CFAP46: variants seen among roughly 807,000 people sequenced by gnomAD.
CFAP46 encodes the protein cilia and flagella associated protein 46.
A neutral mutation model predicts 325.7 loss-of-function variants in CFAP46; 245 were observed. That is an observed-to-expected ratio of 0.75 (90% CI 0.68 to 0.84). The LOEUF is 0.84. Ranked by LOEUF, CFAP46 falls within the 40% of genes least tolerant of loss-of-function variation. The pLI is 0.00. For synonymous variants in CFAP46, 1,523 were observed against 1,495.9 expected (o/e 1.02, Z -0.42); for missense variants, 3,346 against 3,543.0 (o/e 0.94, Z 1.41).
chr10:132,872,702 C>T lies in CFAP46; in HGVS notation c.4485G>A (p.Lys1495=). 1.9e-6 allele frequency: 3 copies of T among 1,550,684 alleles called. No individual in the cohort carries two copies. The highest frequency in any genetic ancestry group is 2.6e-6 in the Non-Finnish European group (3 of 1,147,030). The change falls in exon 32 of 58, where the codon AAG becomes AAA. Residue 1495 remains lysine, a synonymous_variant. Coordinates refer to ENST00000368586, the MANE Select transcript of CFAP46 (RefSeq NM_001200049.3). ...VLISDSVVGS[K]GLSDLYHLRL... is the part of the protein sequence containing the mutation. ...GAAGGTGGTAGAGATCCGACAGGCCCTTGCTTCCCACCACGGAGTCCGAAA... is the reference window on the plus strand; with the variant it reads ...GAAGGTGGTAGAGATCCGACAGGCCTTTGCTTCCCACCACGGAGTCCGAAA...
rs751536013 is a variant in CFAP46 at position 132,920,104 on chromosome 10, G to T, written c.1685C>A (p.Ala562Asp). The T allele has an allele frequency of 2.6e-6, 4 of 1,549,140 alleles. No homozygotes were observed. The highest frequency in any genetic ancestry group is 3.5e-6 in the Non-Finnish European group (4 of 1,146,466). The change falls in exon 14 of 58, where the codon GCT becomes GAT. Residue 562 changes from alanine to aspartate, a missense_variant. Physicochemically the swap from Ala to Asp is moderately radical, Grantham distance 126. Coordinates refer to ENST00000368586, the MANE Select transcript of CFAP46 (RefSeq NM_001200049.3). ...GCCCAGGCGCCGCAGGTGCCCGGCA[G>T]CTTTGTCCACGCTGACGGTGTGGTG... is the stretch of plus-strand genomic sequence containing the variant. ...AWHHTVSVDKAAGHLRRLGNE... is the reference protein window; with the variant it reads ...AWHHTVSVDKDAGHLRRLGNE...
intron 39 of CFAP46, among the ~76,000 whole-genome samples, chr10:132,857,079 C>T (rs1025170094): frequency 6.6e-6 from 1 of 152,238 alleles, no homozygotes; most frequent in African/African-American, 2.4e-5. Context: ...TCCAATCCGG[C>T]TGGTGAAGTA....
Position 132,860,498 on chromosome 10 carries a change from A to T in CFAP46, c.5117T>A (p.Ile1706Asn). Residue 1706 changes from isoleucine to asparagine, a missense_variant, in exon 37 of 58, where the codon ATC (isoleucine) becomes AAC (asparagine). By Grantham distance (149) the Ile-to-Asn change is moderately radical. Coordinates refer to ENST00000368586, the MANE Select transcript of CFAP46 (RefSeq NM_001200049.3). Reference sequence around the variant, plus strand: ...TTTCTTGAGGATCTTGAAGGCATTGATGAGCTTCTGAAATATGTGACACAC... The same window carrying T: ...TTTCTTGAGGATCTTGAAGGCATTGTTGAGCTTCTGAAATATGTGACACAC... Reference protein sequence around the residue: ...ATVCHIFQKLINAFKILKKER... With the variant: ...ATVCHIFQKLNNAFKILKKER... 1 of 1,551,092 alleles carries T rather than the reference A, an allele frequency of 6.4e-7. No individual in the cohort carries two copies. Among genetic ancestry groups the T allele is most frequent in the Non-Finnish European group, 8.7e-7 (1 of 1,147,028 alleles).
At chr10:132,924,659 C>T (rs1849778891) in intron 11 of CFAP46, 37 bp downstream of exon 11, 4 of 1,430,492 alleles carry the variant, frequency 2.8e-6, no homozygotes, top group Middle Eastern at 2.4e-4. Flanking sequence ...ATGCGCCACG[C>T]CCTCTGTGGA....
intron 39 of CFAP46, among the ~76,000 whole-genome samples, chr10:132,855,921 G>A (rs975411350): frequency 5.3e-5 from 8 of 152,140 alleles, no homozygotes; most frequent in South Asian, 2.1e-4. Flanking sequence ...TTACGTGTTC[G>A]AGGCTCTCCA....
At chr10:132,905,840 G>A (rs1270239804) in intron 22 of CFAP46, among the ~76,000 whole-genome samples, 1 of 152,222 alleles carries the variant, frequency 6.6e-6, no homozygotes, top group Non-Finnish European at 1.5e-5. Flanking sequence ...GCCAGGGTGG[G>A]TGGCAGGCAT....
At chr10:132,852,957 G>A (rs1247348935) in intron 39 of CFAP46, among the ~76,000 whole-genome samples, 2 of 152,200 alleles carry the variant, frequency 1.3e-5, no homozygotes, top group African/African-American at 4.8e-5. Flanking sequence ...TTGGTGGATT[G>A]CATAGGACTG....
intron 22 of CFAP46, among the ~76,000 whole-genome samples, chr10:132,904,397 C>T (rs1849428516): frequency 1.2e-5 from 1 of 80,320 alleles, no homozygotes; most frequent in South Asian, 3.3e-4. Context: ...CAGAGGGGCT[C>T]CCGCTGGGAC....
intron 36 of CFAP46, 105 bp downstream of exon 36, chr10:132,860,677 G>A (rs1280263320): frequency 2.1e-5 from 27 of 1,304,704 alleles, no homozygotes; most frequent in Non-Finnish European, 2.6e-5. Context: ...GGATCCAGGC[G>A]TGTCATCAGC....
In CFAP46 at chr10:132,815,274, A is replaced by G. The variant is rs1001522930; in HGVS notation, c.7118-360T>C. ...TTACAACCTGCCCCTTTCGACACGAACACTTTCTTTTGCAGGCTCTGAGTA... is the reference window on the plus strand; with the variant it reads ...TTACAACCTGCCCCTTTCGACACGAGCACTTTCTTTTGCAGGCTCTGAGTA... On this transcript the variant is annotated intron_variant, in intron 50 of 57. Transcript: ENST00000368586. 3.3e-5 allele frequency among the ~76,000 whole-genome samples: 5 copies of G among 152,304 alleles called. No individual in the cohort carries two copies. The South Asian group carries it at 8.3e-4, about 25-fold the overall frequency.
chr10:132,931,341 A>C (rs1389676678), intron 8 of CFAP46, among the ~76,000 whole-genome samples: 6 of 58,316 alleles, frequency 1.0e-4, no homozygotes, highest in African/African-American at 2.1e-4. Context: ...CCTTCCCCAC[A>C]CTCCCCACGC....
rs1165867387 is a variant in CFAP46 at position 132,846,950 on chromosome 10, C to T, written c.6249G>A (p.Gln2083=). 6.2e-7 allele frequency: 1 copy of T among 1,610,590 alleles called. No homozygotes were observed. The highest frequency in any genetic ancestry group is 8.5e-7 in the Non-Finnish European group (1 of 1,179,494). ...GACACACCTGAGACAGAGCCAGGAA[C>T]TGGCAGGTAGTTGCAGGGTCCAGGG... ...VGTLDPATTC[Q]FLALSQSCSA... The change falls in exon 43 of 58, where the codon CAG becomes CAA. Residue 2083 remains glutamine, a synonymous_variant. Transcript: ENST00000368586.
rs759007200 is a variant in CFAP46 at position 132,918,462 on chromosome 10, G to A, written c.1917C>T (p.Val639=). The A allele has an allele frequency of 1.7e-5, 27 of 1,548,526 alleles. No individual in the cohort carries two copies. The highest frequency in any genetic ancestry group is 1.2e-4 in the South Asian group (10 of 83,972). Residue 639 remains valine, a synonymous_variant, in exon 16 of 58, where the codon GTC becomes GTT. Transcript: ENST00000368586. ...CGGGGCACACCTGCCTCTGCAGGAC[G>A]ACCTCAGGCTGGCTCCAGGTGTCCT... The part of the protein sequence containing the change: ...SVQDTWSQPE[V]VLQRQVCPDL...
At position 132,859,296 on chromosome 10, in the gene CFAP46, G is replaced by A. The variant is rs1406542324; in HGVS notation, c.5199-49C>T. 14 of 1,483,810 alleles carry A rather than the reference G, an allele frequency of 9.4e-6. No homozygotes were observed. In the South Asian group the frequency reaches 1.1e-4, roughly 12 times the overall value. 91.9% of individuals were successfully genotyped at this position (1,483,810 alleles called of 1,614,324 possible). On this transcript the variant is annotated intron_variant, in intron 37 of 57. Transcript: ENST00000368586. ...CTGGAGTCAGAAGCCCCAGGGCCGC[G>A]TCAGGGCTTGCGGCTGGGCTGCCGC...
chr10:132,877,619 T>C lies in CFAP46; in HGVS notation c.4212+262A>G, dbSNP rs1301418411. Among the ~76,000 whole-genome samples, 4 of 152,022 alleles carry C rather than the reference T, an allele frequency of 2.6e-5. No homozygotes were observed. The highest frequency in any genetic ancestry group is 6.5e-5 in the Admixed American group (1 of 15,284). On this transcript the variant is annotated intron_variant, in intron 30 of 57. Coordinates refer to ENST00000368586, the MANE Select transcript of CFAP46 (RefSeq NM_001200049.3). This position sits in a 1 kb window ranked among gnomAD's most constrained non-coding sequence, Gnocchi z 5.7. ...GACAAGCCAGGGTGCTTTACAGACATTCCCCTGTATTGTCCTCCAAGAACC... is the reference window on the plus strand; with the variant it reads ...GACAAGCCAGGGTGCTTTACAGACACTCCCCTGTATTGTCCTCCAAGAACC...
chr10:132,815,721 G>A (rs559113567), intron 50 of CFAP46, among the ~76,000 whole-genome samples: 138 of 152,338 alleles, frequency 9.1e-4, no homozygotes, highest in African/African-American at 3.1e-3. Context: ...AGGAGGTGGA[G>A]GCTGCAGTGA....
chr10:132,813,740 G>T (rs1202884274), intron 54 of CFAP46, among the ~76,000 whole-genome samples: 2 of 152,074 alleles, frequency 1.3e-5, no homozygotes, highest in East Asian at 3.9e-4. Context: ...AGCCTGTGAC[G>T]TGGAACGATC....
chr10:132,818,803 G>A (rs1042898674), intron 50 of CFAP46, among the ~76,000 whole-genome samples: 14 of 150,992 alleles, frequency 9.3e-5, no homozygotes, highest in Non-Finnish European at 1.9e-4. Flanking sequence ...GCAGTGAGCC[G>A]AGATTGCGCC....
At chr10:132,866,301 G>A (rs748918303) in intron 34 of CFAP46, 130 bp from the exon 35 acceptor site, 5 of 1,021,074 alleles carry the variant, frequency 4.9e-6, no homozygotes, top group Non-Finnish European at 6.5e-6. Context: ...GCTCCCTGCT[G>A]GCCTAGGCAC....
Sources: gnomAD v4.1 joint callset for allele counts (sites outside exome capture counted in the v4.1 genomes callset) on GRCh38, gnomAD v4.1.1 for gene constraint, Gnocchi (gnomAD v3.1) non-coding constraint, MANE v1.5 for transcripts, NCBI Gene and HGNC (gene_info 2026-07-23, HGNC 2026-07-21) for gene names.